The following CEP126 variants were observed in gnomAD, a reference collection of about 807,000 sequenced individuals.
CEP126 encodes the protein centrosomal protein 126.
A neutral mutation model predicts 107.8 loss-of-function variants in CEP126; 74 were observed. That is an observed-to-expected ratio of 0.69 (90% CI 0.57 to 0.83). CEP126 has a LOEUF of 0.83. Among genes scored for constraint, CEP126 ranks in the 40% least tolerant of loss-of-function variants. CEP126 has a pLI of 0.00. For missense variants in CEP126, 1,237 were observed against 1,281.9 expected (o/e 0.96, Z 0.53); for synonymous variants, 449 against 446.0 (o/e 1.01, Z -0.08).
At chr11:101,984,708 C>CA (rs571204810) in intron 8 of CEP126, among the ~76,000 whole-genome samples, 99 of 151,970 alleles carry the variant, frequency 6.5e-4, no homozygotes, top group African/African-American at 2.2e-3. Flanking sequence ...GCTTATAGGA[C>CA]AAAAAAAGAC....
intron 6 of CEP126, among the ~76,000 whole-genome samples, chr11:101,974,988 C>G (rs1031417099): frequency 8.5e-5 from 13 of 152,124 alleles, no homozygotes; most frequent in Non-Finnish European, 1.3e-4. Context: ...AAAACCCTGA[C>G]ACAGCAGTTA....
At position 101,963,482 on chromosome 11, in the gene CEP126, T is replaced by C. The variant is rs759087540; in HGVS notation, c.2447T>C (p.Ile816Thr). 6.2e-7 allele frequency: 1 copy of C among 1,614,136 alleles called. No individual in the cohort carries two copies. Among genetic ancestry groups the C allele is most frequent in the Non-Finnish European group, 8.5e-7 (1 of 1,179,998 alleles). The change falls in exon 6 of 11, where the codon ATA becomes ACA. Residue 816 changes from isoleucine to threonine, a missense_variant. Physicochemically the swap from Ile to Thr is moderately conservative, Grantham distance 89. Coordinates refer to ENST00000263468, the MANE Select transcript of CEP126 (RefSeq NM_020802.4). The stretch of plus-strand genomic sequence containing the variant: ...TCAAATATTAGAAGTGGTAAAAATA[T>C]ACAAGTGTCTCAGTGTCAACCAGTA... ...STSNIRSGKN[I>T]QVSQCQPVTP... is the part of the protein sequence containing the mutation.
chr11:101,999,563 A>G lies in CEP126; in HGVS notation c.*1920A>G, dbSNP rs1269092482. On this transcript the variant is annotated 3_prime_UTR_variant, in exon 11 of 11. Coordinates refer to ENST00000263468, the MANE Select transcript of CEP126 (RefSeq NM_020802.4). ...AGATTTGCATTTTACTAGAACTTGCACATTATGATATTGTCCTTTTATGAA... is the reference window on the plus strand; with the variant it reads ...AGATTTGCATTTTACTAGAACTTGCGCATTATGATATTGTCCTTTTATGAA... The G allele has an allele frequency of 6.6e-6, 1 of 151,346 alleles. No individual in the cohort carries two copies. The highest frequency in any genetic ancestry group is 1.5e-5 in the Non-Finnish European group (1 of 67,936). The allele number at this position is 151,346 out of a possible 1,614,324, so 9.4% of individuals were successfully genotyped here.
intron 4 of CEP126, among the ~76,000 whole-genome samples, chr11:101,954,402 T>C (rs1398179028): frequency 1.3e-5 from 2 of 152,222 alleles, no homozygotes; most frequent in Non-Finnish European, 2.9e-5. Flanking sequence ...AGTGTGCAGT[T>C]GCTTGAAGTC....
chr11:101,970,000 T>C (rs1316320520), intron 6 of CEP126, among the ~76,000 whole-genome samples: 2 of 152,190 alleles, frequency 1.3e-5, no homozygotes, highest in Non-Finnish European at 2.9e-5. Flanking sequence ...ATTTATAATT[T>C]AGGATGGACA....
At chr11:101,961,670 GGTAT>G in intron 5 of CEP126, 67 bp from the exon 6 acceptor site, 4 of 798,580 alleles carry the variant, frequency 5.0e-6, no homozygotes, top group Non-Finnish European at 8.0e-6. Flanking sequence ...CAGTAACAAT[GGTAT>G]GTTGAATCGT....
In CEP126 at chr11:102,000,628, G is replaced by C. The variant is rs924707919; in HGVS notation, c.*2985G>C. 9 of 152,068 alleles carry C rather than the reference G, an allele frequency of 5.9e-5. No individual in the cohort carries two copies. The highest frequency in any genetic ancestry group is 1.7e-4 in the African/African-American group (7 of 41,400). The allele number at this position is 152,068 out of a possible 1,614,324, so 9.4% of individuals were successfully genotyped here. Reference sequence around the variant, plus strand: ...GATCGTTTGAGCCTGGGAGGCAGAGGTTGCAGTGATCAGGAATTGTGCCAC... The same window carrying C: ...GATCGTTTGAGCCTGGGAGGCAGAGCTTGCAGTGATCAGGAATTGTGCCAC... On this transcript the variant is annotated 3_prime_UTR_variant, in exon 11 of 11. Coordinates refer to ENST00000263468, the MANE Select transcript of CEP126 (RefSeq NM_020802.4).
At chr11:101,915,439 G>A (rs1940186647) in intron 1 of CEP126, 27 bp downstream of exon 1, 1 of 1,586,392 alleles carries the variant, frequency 6.3e-7, no homozygotes, top group East Asian at 2.3e-5. Context: ...GTGGCTGCCA[G>A]GGTAGCGATG....
chr11:101,967,921 A>C (rs986737623), intron 6 of CEP126, among the ~76,000 whole-genome samples: 1 of 152,116 alleles, frequency 6.6e-6, no homozygotes, highest in African/African-American at 2.4e-5. Context: ...TAGTTGCACA[A>C]CTCCAGATAG....
chr11:101,992,796 G>A lies in CEP126; in HGVS notation c.3263G>A (p.Cys1088Tyr). 1.3e-6 allele frequency: 2 copies of A among 1,514,506 alleles called. No homozygotes were observed. Among genetic ancestry groups the A allele is most frequent in the Non-Finnish European group, 1.8e-6 (2 of 1,122,552 alleles). The allele number at this position is 1,514,506 out of a possible 1,614,324, so 93.8% of individuals were successfully genotyped here. A position where few individuals can be genotyped will look rare whatever the true frequency, so the allele number is the denominator to read the frequency against. ...ATTTCAGATATACAAGAATCCATTTGCAAAAACCCATCCATCAAAAATACT... is the reference window on the plus strand; with the variant it reads ...ATTTCAGATATACAAGAATCCATTTACAAAAACCCATCCATCAAAAATACT... ...ERLHYIQESI[C>Y]KNPSIKNTLQ... Residue 1088 changes from cysteine to tyrosine, a missense_variant, in exon 10 of 11, where the codon TGC (cysteine) becomes TAC (tyrosine). Cys to Tyr is a radical substitution (Grantham distance 194, BLOSUM62 -2). Coordinates refer to ENST00000263468, the MANE Select transcript of CEP126 (RefSeq NM_020802.4).
At chr11:101,943,937 A>T (rs1940701302) in intron 2 of CEP126, among the ~76,000 whole-genome samples, 1 of 152,118 alleles carries the variant, frequency 6.6e-6, no homozygotes, top group Admixed American at 6.6e-5. Flanking sequence ...TCTTCACATT[A>T]CAGAAAATGG....
intron 2 of CEP126, among the ~76,000 whole-genome samples, chr11:101,929,993 G>A (rs1237991502): frequency 1.2e-5 from 1 of 83,664 alleles, no homozygotes; most frequent in East Asian, 6.8e-4. Flanking sequence ...TTTTTTTTTT[G>A]TCTAAGCTTG....
At chr11:101,952,037 G>T (rs981012072) in intron 4 of CEP126, among the ~76,000 whole-genome samples, 1 of 152,308 alleles carries the variant, frequency 6.6e-6, no homozygotes, top group Middle Eastern at 3.4e-3. Context: ...AAATATCACT[G>T]ACATGAGTGA....
At chr11:101,928,864 A>G (rs886664223) in intron 2 of CEP126, among the ~76,000 whole-genome samples, 12 of 152,118 alleles carry the variant, frequency 7.9e-5, no homozygotes, top group African/African-American at 2.4e-4. Flanking sequence ...TAGGTGTTCT[A>G]ATCTTTGCCT....
Position 101,963,456 on chromosome 11 carries a change from A to G in CEP126, c.2421A>G (p.Thr807=). The stretch of plus-strand genomic sequence containing the variant: ...TACCTTGTCCTCCTCCTCAATCTAC[A>G]TCAAATATTAGAAGTGGTAAAAATA... The part of the protein sequence containing the change: ...LIIPCPPPQS[T]SNIRSGKNIQ... The change falls in exon 6 of 11, where the codon ACA becomes ACG. Residue 807 remains threonine, a synonymous_variant. Coordinates refer to ENST00000263468, the MANE Select transcript of CEP126 (RefSeq NM_020802.4). 6.2e-7 allele frequency: 1 copy of G among 1,614,158 alleles called. No homozygotes were observed. The highest frequency in any genetic ancestry group is 8.5e-7 in the Non-Finnish European group (1 of 1,180,030).
At chr11:101,931,669 G>T (rs1421358919) in intron 2 of CEP126, among the ~76,000 whole-genome samples, 1 of 151,992 alleles carries the variant, frequency 6.6e-6, no homozygotes, top group African/African-American at 2.4e-5. Context: ...TATTTCTAGA[G>T]AGTTGTAGCT....
intron 6 of CEP126, among the ~76,000 whole-genome samples, chr11:101,972,573 C>T (rs1479476184): frequency 6.6e-6 from 1 of 152,046 alleles, no homozygotes; most frequent in African/African-American, 2.4e-5. Flanking sequence ...GAGGCTGAGG[C>T]AGGCGGATCA....
chr11:101,916,691 A>C (rs1048129676), intron 1 of CEP126, among the ~76,000 whole-genome samples: 3 of 152,188 alleles, frequency 2.0e-5, no homozygotes, highest in African/African-American at 2.4e-5. Context: ...ACCCTGATTT[A>C]TCTCTAAATC....
rs1319749798 is a variant in CEP126, at chr11:101,948,069, A to C, written c.433A>C (p.Lys145Gln). The C allele has an allele frequency of 1.9e-6, 3 of 1,612,032 alleles. No homozygotes were observed. Among genetic ancestry groups the C allele is most frequent in the Non-Finnish European group, 2.5e-6 (3 of 1,178,724 alleles). The change falls in exon 4 of 11, where the codon AAA (lysine) becomes CAA (glutamine). Residue 145 changes from lysine (K) to glutamine (Q), a missense_variant. Transcript: ENST00000263468. ...KPVPPLEEAL[K>Q]QIQESNLKSE... is the part of the protein sequence containing the mutation. ...AGTTCCTCCATTAGAAGAGGCCCTC[A>C]AACAAATTCAGGAATCCAACTTAAA...
Sources: allele counts gnomAD v4.1 joint callset (sites outside exome capture counted in the v4.1 genomes callset), GRCh38; gene constraint gnomAD v4.1.1; transcripts MANE v1.5; gene names NCBI Gene and HGNC (gene_info 2026-07-23, HGNC 2026-07-21).